Variants in SASS6 observed in about 807,000 individuals in gnomAD.
SASS6 encodes the protein SAS-6 centriolar assembly protein.
Under a neutral mutation model 94.9 loss-of-function variants are expected in SASS6, and 59 were observed. That is an observed-to-expected ratio of 0.62 (90% CI 0.50 to 0.77). The LOEUF (loss-of-function observed/expected upper bound fraction) is 0.77. Ranked by LOEUF, SASS6 falls within the 30% of genes least tolerant of loss-of-function variation. The pLI is 0.00. For synonymous variants in SASS6, 264 were observed against 270.0 expected (o/e 0.98, Z 0.22); for missense variants, 698 against 734.1 (o/e 0.95, Z 0.57).
At chr1:100,091,937 G>A (rs1651729347) in intron 14 of SASS6, among the ~76,000 whole-genome samples, 1 of 146,308 alleles carries the variant, frequency 6.8e-6, no homozygotes, top group Non-Finnish European at 1.5e-5. Flanking sequence ...GATCCTGGGA[G>A]GTCAAGGCTG....
Position 100,107,903 on chromosome 1 carries a change from T to C in SASS6, c.963A>G (p.Gln321=). The change falls in exon 9 of 17, where the codon CAA becomes CAG. Residue 321 remains glutamine (Q), a synonymous_variant. Transcript: ENST00000287482. ...HEKEKHVNQL[Q]TKVAVLEQEI... ...CCTGTTCTAAAACTGCCACTTTTGT[T>C]TGTAGCTGATTAACGTGCTTTTCTT... 1 of 1,612,512 alleles carries C rather than the reference T, an allele frequency of 6.2e-7. No homozygotes were observed. The highest frequency in any genetic ancestry group is 1.3e-5 in the African/African-American group (1 of 74,994).
intron 1 of SASS6, among the ~76,000 whole-genome samples, chr1:100,131,552 A>G (rs1655025937): frequency 6.6e-6 from 1 of 152,202 alleles, no homozygotes; most frequent in Non-Finnish European, 1.5e-5. Context: ...TATGTAAAGC[A>G]CAACAATTCA....
chr1:100,131,876 C>A (rs1655063401), intron 1 of SASS6, among the ~76,000 whole-genome samples: 1 of 152,152 alleles, frequency 6.6e-6, no homozygotes, highest in Non-Finnish European at 1.5e-5. Context: ...AGATTTCACA[C>A]CTGATCCTCA....
chr1:100,098,363 C>T (rs1652245874), intron 14 of SASS6, among the ~76,000 whole-genome samples: 1 of 151,840 alleles, frequency 6.6e-6, no homozygotes, highest in Admixed American at 6.6e-5. Context: ...CCCAGAAATT[C>T]GAAGCCAGCC....
intron 8 of SASS6, among the ~76,000 whole-genome samples, chr1:100,109,086 A>G (rs1199425329): frequency 6.6e-6 from 1 of 152,088 alleles, no homozygotes; most frequent in Non-Finnish European, 1.5e-5. Context: ...GGTTGTTTAT[A>G]TAATGACCAG....
chr1:100,131,732 T>C (rs1488591276), intron 1 of SASS6, among the ~76,000 whole-genome samples: 1 of 152,224 alleles, frequency 6.6e-6, no homozygotes, highest in African/African-American at 2.4e-5. Context: ...TTCTGAACTA[T>C]ATATACTACA....
chr1:100,132,630 C>T, intron 1 of SASS6, 120 bp downstream of exon 1: 1 of 861,376 alleles, frequency 1.2e-6, no homozygotes, highest in East Asian at 2.4e-5. Flanking sequence ...CTATCCGCTT[C>T]CTAGGGGGGC....
intron 11 of SASS6, 106 bp downstream of exon 11, chr1:100,107,268 T>TAAA: frequency 5.4e-6 from 3 of 553,506 alleles, no homozygotes; most frequent in Non-Finnish European, 9.2e-6. Flanking sequence ...GTTCTTTTGT[T>TAAA]AAAAAAAAAA....
intron 1 of SASS6, among the ~76,000 whole-genome samples, chr1:100,128,363 T>C (rs990591430): frequency 5.3e-5 from 8 of 152,286 alleles, no homozygotes; most frequent in East Asian, 3.9e-4. Flanking sequence ...AAAAGTCCTG[T>C]CATACTTCAT....
intron 8 of SASS6, among the ~76,000 whole-genome samples, chr1:100,108,693 G>A (rs1178450341): frequency 6.6e-6 from 1 of 151,978 alleles, no homozygotes; most frequent in Non-Finnish European, 1.5e-5. Context: ...GTGGTTTTAG[G>A]AGCACAAACT....
chr1:100,091,303 T>C (rs1651664745), intron 14 of SASS6, among the ~76,000 whole-genome samples: 1 of 151,800 alleles, frequency 6.6e-6, no homozygotes, highest in Non-Finnish European at 1.5e-5. Flanking sequence ...TTGAAAAAAA[T>C]TGAACTGACT....
rs1651035602 is a variant in SASS6 at position 100,083,985 on chromosome 1, A to AAGTT, written c.*1339_*1342dup. Reference sequence around the variant, plus strand: ...TCTTTCCAGAATAGCAAGTGCTTTCAAGTTACTGTACCAAGTATTCTCACT... The same window carrying AAGTT: ...TCTTTCCAGAATAGCAAGTGCTTTCAAGTTAGTTACTGTACCAAGTATTCTCACT... On this transcript the variant is annotated 3_prime_UTR_variant, in exon 17 of 17. Transcript: ENST00000287482. 2 of 152,002 alleles carry AAGTT rather than the reference A, an allele frequency of 1.3e-5. No individual in the cohort carries two copies. The highest frequency in any genetic ancestry group is 1.3e-4 in the Admixed American group (2 of 15,256). The allele number at this position is 152,002 out of a possible 1,614,324, so 9.4% of individuals were successfully genotyped here. A position where few individuals can be genotyped will look rare whatever the true frequency, so the allele number is the denominator to read the frequency against.
chr1:100,119,282 A>C, intron 6 of SASS6, 145 bp from the exon 7 acceptor site: 1 of 427,816 alleles, frequency 2.3e-6, no homozygotes, highest in Non-Finnish European at 3.9e-6. Flanking sequence ...TCCTACACAA[A>C]ATTTTTTAAT....
chr1:100,119,142 AT>A lies in SASS6; in HGVS notation c.550-6del. On this transcript the variant is annotated splice_region_variant and splice_polypyrimidine_tract_variant and intron_variant, in intron 6 of 16. Transcript: ENST00000287482. ...TTGTTTTTTTTCTGCTAATGTCTACATTAGAGTTTAACACAAAATATTAAGA... is the reference window on the plus strand; with the variant it reads ...TTGTTTTTTTTCTGCTAATGTCTACATAGAGTTTAACACAAAATATTAAGA... 2 of 1,501,434 alleles carry A rather than the reference AT, an allele frequency of 1.3e-6. No individual in the cohort carries two copies. Among genetic ancestry groups the A allele is most frequent in the Non-Finnish European group, 1.8e-6 (2 of 1,100,612 alleles). The allele number at this position is 1,501,434 out of a possible 1,614,324, so 93.0% of individuals were successfully genotyped here. A position where few individuals can be genotyped will look rare whatever the true frequency, so the allele number is the denominator to read the frequency against.
intron 14 of SASS6, among the ~76,000 whole-genome samples, chr1:100,094,490 A>T (rs980362110): frequency 1.3e-5 from 2 of 152,250 alleles, no homozygotes; most frequent in Non-Finnish European, 2.9e-5. Flanking sequence ...TTTGTTAAAG[A>T]CAGTACATGA....
intron 2 of SASS6, 76 bp downstream of exon 2, chr1:100,125,806 G>T: frequency 1.3e-6 from 1 of 791,178 alleles, no homozygotes; most frequent in Non-Finnish European, 2.1e-6. Context: ...AATAAAAGAT[G>T]TCACATTCTT....
At chr1:100,093,972 G>A (rs1395235247) in intron 14 of SASS6, among the ~76,000 whole-genome samples, 1 of 151,932 alleles carries the variant, frequency 6.6e-6, no homozygotes, top group Non-Finnish European at 1.5e-5. Context: ...GCAGTTAGAA[G>A]GGAAAAAATA....
chr1:100,130,020 A>G (rs1338829027), intron 1 of SASS6, among the ~76,000 whole-genome samples: 2 of 152,194 alleles, frequency 1.3e-5, no homozygotes, highest in East Asian at 3.8e-4. Context: ...TGTATAATTC[A>G]TTCCATTCTC....
At chr1:100,100,272 A>G (rs1557882987) in intron 14 of SASS6, among the ~76,000 whole-genome samples, 1 of 152,172 alleles carries the variant, frequency 6.6e-6, no homozygotes, top group Admixed American at 6.5e-5. Context: ...TCACAAAAAT[A>G]AATGAATAAA....
Sources: gnomAD v4.1 joint callset for allele counts (sites outside exome capture counted in the v4.1 genomes callset) on GRCh38, gnomAD v4.1.1 for gene constraint, MANE v1.5 for transcripts, NCBI Gene and HGNC (gene_info 2026-07-23, HGNC 2026-07-21) for gene names.